The following NUAK2 variants were observed in gnomAD, a reference collection of about 807,000 sequenced individuals.
NUAK2 encodes NUAK family kinase 2, also known as NUAK family SNF1-like kinase 2.
NUAK2 carries 20 observed loss-of-function variants against 29.8 expected under a neutral mutation model. That is an observed-to-expected ratio of 0.67 (90% CI 0.47 to 0.98). The LOEUF (loss-of-function observed/expected upper bound fraction) is 0.98. Among genes scored for constraint, NUAK2 ranks in the 50% least tolerant of loss-of-function variants. NUAK2 has a pLI of 0.00. For missense variants in NUAK2, 719 were observed against 834.5 expected (o/e 0.86, Z 1.71); for synonymous variants, 331 against 342.6 (o/e 0.97, Z 0.37).
rs1450299604 is a variant in NUAK2 at position 205,303,452 on chromosome 1, A to C, written c.1885T>G (p.Ter629GlyextTer3). The part of the protein sequence containing the change: ...QALRVCSKLT[*>G] Reference sequence around the variant, plus strand: ...GGCTGGGGCAATGCCTACTCCACTCAGGTGAGCTTTGAGCAGACCCTCAGT... The same window carrying C: ...GGCTGGGGCAATGCCTACTCCACTCCGGTGAGCTTTGAGCAGACCCTCAGT... Residue 629 changes from the stop codon to glycine, a stop_lost, in exon 7 of 7, where the codon TGA (stop) becomes GGA (glycine). Coordinates refer to ENST00000367157, the MANE Select transcript of NUAK2 (RefSeq NM_030952.3). 6.4e-7 allele frequency: 1 copy of C among 1,569,422 alleles called. No homozygotes were observed. Among genetic ancestry groups the C allele is most frequent in the Non-Finnish European group, 8.6e-7 (1 of 1,157,272 alleles).
At chr1:205,307,466 G>A (rs937186121) in intron 4 of NUAK2, among the ~76,000 whole-genome samples, 1 of 152,122 alleles carries the variant, frequency 6.6e-6, no homozygotes, top group Non-Finnish European at 1.5e-5. Context: ...GGCACCTCAG[G>A]GTACAGGTCA....
At chr1:205,311,017 T>C (rs1662251093) in intron 2 of NUAK2, among the ~76,000 whole-genome samples, 1 of 152,220 alleles carries the variant, frequency 6.6e-6, no homozygotes, top group Non-Finnish European at 1.5e-5. Flanking sequence ...CTAACTGATA[T>C]TATGTAAAGT....
chr1:205,306,279 T>C lies in NUAK2; in HGVS notation c.599A>G (p.Tyr200Cys). 1 of 1,613,798 alleles carries C rather than the reference T, an allele frequency of 6.2e-7. No homozygotes were observed. Among genetic ancestry groups the C allele is most frequent in the Non-Finnish European group, 8.5e-7 (1 of 1,179,866 alleles). Residue 200 changes from tyrosine (Y) to cysteine (C), a missense_variant, in exon 5 of 7, where the codon TAC becomes TGC. Around this residue, in one of 3 missense-constraint regions of NUAK2, gnomAD observed 283 missense variants for 345.6 expected, o/e 0.82. Coordinates refer to ENST00000367157, the MANE Select transcript of NUAK2 (RefSeq NM_030952.3). The stretch of plus-strand genomic sequence containing the variant: ...TGTCTGCAGGAACTTGCCTTGATGG[T>C]AGAGGTTGGAGAGACCGAAGTCAGC... ...KIADFGLSNL[Y>C]HQGKFLQTFC...
At position 205,303,660 on chromosome 1, in the gene NUAK2, C is replaced by T; in HGVS notation, c.1677G>A (p.Leu559=). The change falls in exon 7 of 7, where the codon TTG becomes TTA. Residue 559 remains leucine, a synonymous_variant. Coordinates refer to ENST00000367157, the MANE Select transcript of NUAK2 (RefSeq NM_030952.3). ...GTGGGGGCTCTGGGAGCCGTTCAGG[C>T]AAGTCCAGCTGGTCAAAGGACTCAG... ...LSSESFDQLD[L]PERLPEPPLR... 3.2e-6 allele frequency: 5 copies of T among 1,573,576 alleles called. No homozygotes were observed. The highest frequency in any genetic ancestry group is 4.3e-6 in the Non-Finnish European group (5 of 1,161,032).
At chr1:205,319,952 C>T (rs1221601233) in intron 1 of NUAK2, among the ~76,000 whole-genome samples, 1 of 149,736 alleles carries the variant, frequency 6.7e-6, no homozygotes, top group Non-Finnish European at 1.5e-5. Flanking sequence ...CACACACACA[C>T]CCCCTCACAA....
At position 205,304,354 on chromosome 1, in the gene NUAK2, G is replaced by A. The variant is rs762173822; in HGVS notation, c.983C>T (p.Ala328Val). The change falls in exon 7 of 7, where the codon GCC (alanine) becomes GTC (valine). Residue 328 changes from alanine (A) to valine (V), a missense_variant. This residue lies in a region of NUAK2 where 430 missense variants were observed against 465.7 expected (regional missense o/e 0.92). Coordinates refer to ENST00000367157, the MANE Select transcript of NUAK2 (RefSeq NM_030952.3). The surrounding 1 kb of genome is among the most constrained non-coding windows in gnomAD (Gnocchi z 6.5). ...GAGCCAGTCAGCCATGGAGGCGCGGGCAGAGTCACTGCCAGGGTGCCCACC... is the reference window on the plus strand; with the variant it reads ...GAGCCAGTCAGCCATGGAGGCGCGGACAGAGTCACTGCCAGGGTGCCCACC... ...HEGGHPGSDSARASMADWLRR... is the reference protein window; with the variant it reads ...HEGGHPGSDSVRASMADWLRR... 6.2e-7 allele frequency: 1 copy of A among 1,610,498 alleles called. No homozygotes were observed. The highest frequency in any genetic ancestry group is 1.1e-5 in the South Asian group (1 of 90,760).
At position 205,304,526 on chromosome 1, in the gene NUAK2, A is replaced by G. The variant is rs745696594; in HGVS notation, c.824-13T>C. ...AGGCCACAGGCATCTGGAAGACAAAAGGCAGGTGCTTCAGTTTGGCAGCTC... is the reference window on the plus strand; with the variant it reads ...AGGCCACAGGCATCTGGAAGACAAAGGGCAGGTGCTTCAGTTTGGCAGCTC... On this transcript the variant is annotated splice_polypyrimidine_tract_variant and intron_variant, in intron 6 of 6. Coordinates refer to ENST00000367157, the MANE Select transcript of NUAK2 (RefSeq NM_030952.3). The surrounding 1 kb of genome is among the most constrained non-coding windows in gnomAD (Gnocchi z 6.5). 1.3e-6 allele frequency: 2 copies of G among 1,499,510 alleles called. No homozygotes were observed. Among genetic ancestry groups the G allele is most frequent in the Admixed American group, 4.7e-5 (2 of 42,236 alleles). 92.9% of individuals were successfully genotyped at this position (1,499,510 alleles called of 1,614,324 possible). A position where few individuals can be genotyped will look rare whatever the true frequency, so the allele number is the denominator to read the frequency against.
intron 1 of NUAK2, 73 bp downstream of exon 1, chr1:205,321,325 C>T: frequency 7.5e-7 from 1 of 1,341,724 alleles, no homozygotes. Context: ...CGAGCCGCCG[C>T]CCGCCCTCCT....
Position 205,303,435 on chromosome 1 carries a change from C to T in NUAK2, c.*15G>A. On this transcript the variant is annotated 3_prime_UTR_variant, in exon 7 of 7. Transcript: ENST00000367157. ...ATCTGAGAGCCTGACCGGGCTGGGG[C>T]AATGCCTACTCCACTCAGGTGAGCT... 1.3e-6 allele frequency: 2 copies of T among 1,533,712 alleles called. No individual in the cohort carries two copies. Among genetic ancestry groups the T allele is most frequent in the Non-Finnish European group, 1.8e-6 (2 of 1,138,900 alleles).
At chr1:205,318,383 T>C (rs753511356) in intron 1 of NUAK2, among the ~76,000 whole-genome samples, 1 of 152,218 alleles carries the variant, frequency 6.6e-6, no homozygotes, top group African/African-American at 2.4e-5. Context: ...ACTCCCAGTC[T>C]AGGACTCAGT....
At chr1:205,319,680 G>C (rs998976406) in intron 1 of NUAK2, among the ~76,000 whole-genome samples, 9 of 152,214 alleles carry the variant, frequency 5.9e-5, no homozygotes, top group Non-Finnish European at 1.0e-4. Flanking sequence ...GAAAGAAAAG[G>C]CAAGCCAGGA....
chr1:205,321,252 C>A, intron 1 of NUAK2, 146 bp downstream of exon 1: 1 of 707,432 alleles, frequency 1.4e-6, no homozygotes, highest in Non-Finnish European at 2.2e-6. Context: ...CAGGGACACC[C>A]CGCAGTAGCC....
intron 1 of NUAK2, among the ~76,000 whole-genome samples, chr1:205,315,975 A>G (rs1488628233): frequency 6.6e-6 from 1 of 152,222 alleles, no homozygotes; most frequent in Non-Finnish European, 1.5e-5. Flanking sequence ...TGCCTGAGAC[A>G]GTCCTGGTCT....
At position 205,304,327 on chromosome 1, in the gene NUAK2, C is replaced by G; in HGVS notation, c.1010G>C (p.Arg337Pro). The change falls in exon 7 of 7, where the codon CGG becomes CCG. Residue 337 changes from arginine to proline, a missense_variant. Arg to Pro is a moderately radical substitution (Grantham distance 103). This residue lies in a region of NUAK2 where 430 missense variants were observed against 465.7 expected (regional missense o/e 0.92). Coordinates refer to ENST00000367157, the MANE Select transcript of NUAK2 (RefSeq NM_030952.3). This position sits in a 1 kb window ranked among gnomAD's most constrained non-coding sequence, Gnocchi z 6.5. ...SARASMADWL[R>P]RSSRPLLENG... is the part of the protein sequence containing the mutation. ...CTCCAGGAGGGGGCGGGAGGAACGCCGGAGCCAGTCAGCCATGGAGGCGCG... is the reference window on the plus strand; with the variant it reads ...CTCCAGGAGGGGGCGGGAGGAACGCGGGAGCCAGTCAGCCATGGAGGCGCG... 6.2e-7 allele frequency: 1 copy of G among 1,609,560 alleles called. No homozygotes were observed. The highest frequency in any genetic ancestry group is 8.5e-7 in the Non-Finnish European group (1 of 1,177,180).
In NUAK2 at chr1:205,320,736, C is replaced by T. The variant is rs192665380; in HGVS notation, c.231+662G>A. Among the ~76,000 whole-genome samples, 14 of 152,300 alleles carry T rather than the reference C, an allele frequency of 9.2e-5. No homozygotes were observed. In the East Asian group the frequency reaches 2.5e-3, roughly 27 times the overall value. Reference sequence around the variant, plus strand: ...GGTCACACAGACTGCTAGACTCCTACGCTCGCACCAAAGTAACAGGGCATG... The same window carrying T: ...GGTCACACAGACTGCTAGACTCCTATGCTCGCACCAAAGTAACAGGGCATG... On this transcript the variant is annotated intron_variant, in intron 1 of 6. Coordinates refer to ENST00000367157, the MANE Select transcript of NUAK2 (RefSeq NM_030952.3).
intron 5 of NUAK2, among the ~76,000 whole-genome samples, chr1:205,305,754 C>T (rs1371779063): frequency 2.0e-5 from 3 of 152,110 alleles, no homozygotes; most frequent in African/African-American, 7.2e-5. Flanking sequence ...CTCTGTTGCC[C>T]AGACTGGAGT....
rs1186795236 is a variant in NUAK2, at chr1:205,304,190, T to C, written c.1147A>G (p.Met383Val). 6.2e-7 allele frequency: 1 copy of C among 1,614,194 alleles called. No individual in the cohort carries two copies. The highest frequency in any genetic ancestry group is 8.5e-7 in the Non-Finnish European group (1 of 1,180,042). Residue 383 changes from methionine to valine, a missense_variant, in exon 7 of 7, where the codon ATG becomes GTG. Physicochemically the swap from Met to Val is conservative, Grantham distance 21. Coordinates refer to ENST00000367157, the MANE Select transcript of NUAK2 (RefSeq NM_030952.3). This position sits in a 1 kb window ranked among gnomAD's most constrained non-coding sequence, Gnocchi z 6.5. ...SLKKSRKEND[M>V]AQSLHSDTAD... is the part of the protein sequence containing the mutation. ...GTGTCACTGTGGAGAGACTGGGCCA[T>C]GTCATTCTCCTTGCGGGACTTCTTG...
chr1:205,310,304 G>C (rs1039301364), intron 2 of NUAK2, among the ~76,000 whole-genome samples: 1 of 152,158 alleles, frequency 6.6e-6, no homozygotes, highest in African/African-American at 2.4e-5. Flanking sequence ...TGCAGCCTTT[G>C]TGCCATAAAA....
At chr1:205,317,701 G>A (rs893368743) in intron 1 of NUAK2, among the ~76,000 whole-genome samples, 16 of 152,218 alleles carry the variant, frequency 1.1e-4, no homozygotes, top group African/African-American at 3.6e-4. Flanking sequence ...CCTCCCTGCC[G>A]CTTAGCAGGC....
Sources: gnomAD v4.1 joint callset for allele counts (sites outside exome capture counted in the v4.1 genomes callset) on GRCh38, gnomAD v4.1.1 for gene constraint, gnomAD v4.1.1 regional missense constraint, Gnocchi (gnomAD v3.1) non-coding constraint, MANE v1.5 for transcripts, NCBI Gene and HGNC (gene_info 2026-07-23, HGNC 2026-07-21) for gene names.